IGSF11: variants seen among roughly 807,000 people sequenced by gnomAD.
IGSF11 encodes the protein CXADR like 1.
IGSF11 carries 22 observed loss-of-function variants against 41.0 expected under a neutral mutation model. The observed-to-expected ratio is 0.54, with a 90% confidence interval of 0.38 to 0.77. IGSF11 has a LOEUF of 0.77. Among genes scored for constraint, IGSF11 ranks in the 30% least tolerant of loss-of-function variants. IGSF11 has a pLI of 0.00. For missense variants in IGSF11, 444 were observed against 530.8 expected, an observed-to-expected ratio of 0.84 and a Z score of 1.61; for synonymous variants, 219 against 201.3, an observed-to-expected ratio of 1.09 and a Z score of -0.74.
chr3:118,977,484 C>A (rs1934245706), intron 1 of IGSF11, among the ~76,000 whole-genome samples: 1 of 152,180 alleles, frequency 6.6e-6, no homozygotes, highest in Non-Finnish European at 1.5e-5. Context: ...CTCACCTCCT[C>A]CACTAAGAAG....
chr3:119,128,390 G>C (rs1409493837), intron 1 of IGSF11, among the ~76,000 whole-genome samples: 3 of 151,598 alleles, frequency 2.0e-5, no homozygotes, highest in African/African-American at 4.8e-5. Flanking sequence ...AACAGAGAAA[G>C]AGAGAGAGAG....
At chr3:118,969,289 T>C (rs1283921310) in intron 1 of IGSF11, among the ~76,000 whole-genome samples, 2 of 151,586 alleles carry the variant, frequency 1.3e-5, no homozygotes. Context: ...CCAAGAAAAC[T>C]GGTAAAGAGG....
At chr3:118,960,077 C>G (rs572465032) in intron 1 of IGSF11, among the ~76,000 whole-genome samples, 1 of 151,214 alleles carries the variant, frequency 6.6e-6, no homozygotes, top group Admixed American at 6.6e-5. Context: ...ACAAATGTGT[C>G]GAACAAAAAG....
chr3:119,134,087 G>T (rs1336874091), intron 1 of IGSF11, among the ~76,000 whole-genome samples: 1 of 152,142 alleles, frequency 6.6e-6, no homozygotes, highest in African/African-American at 2.4e-5. Flanking sequence ...AGCTATTTAT[G>T]ACAAACCCAT....
intron 1 of IGSF11, among the ~76,000 whole-genome samples, chr3:118,992,029 C>A (rs935215876): frequency 9.9e-5 from 15 of 152,202 alleles, no homozygotes; most frequent in African/African-American, 3.6e-4. Context: ...AGTCCACAAA[C>A]AGAAGGCTTC....
chr3:118,914,322 T>G (rs9824063), intron 4 of IGSF11, among the ~76,000 whole-genome samples: 59,146 of 150,600 alleles, frequency 0.39, 15,040 homozygotes, highest in African/African-American at 0.72. Context: ...GACGGGTGAT[T>G]TCTGCATTTC....
intron 1 of IGSF11, among the ~76,000 whole-genome samples, chr3:118,935,260 A>C (rs1049566089): frequency 2.8e-5 from 4 of 143,120 alleles, no homozygotes; most frequent in Admixed American, 7.1e-5. Flanking sequence ...TATATATATA[A>C]ATATATACAC....
chr3:119,074,369 C>T (rs2076455994), intron 1 of IGSF11, among the ~76,000 whole-genome samples: 1 of 151,988 alleles, frequency 6.6e-6, no homozygotes, highest in Admixed American at 6.6e-5. Flanking sequence ...TCTCTCAACC[C>T]CATATGATTA....
chr3:119,143,387 T>C (rs898547230), intron 1 of IGSF11, among the ~76,000 whole-genome samples: 1 of 152,146 alleles, frequency 6.6e-6, no homozygotes, highest in African/African-American at 2.4e-5. Flanking sequence ...GAAGCTAGGA[T>C]GGTTTTAATT....
In IGSF11 at chr3:118,902,817, C is replaced by A. The variant is rs36052974; in HGVS notation, c.999G>T (p.Glu333Asp). The change falls in exon 7 of 7, where the codon GAG becomes GAT. Residue 333 changes from glutamate to aspartate, a missense_variant. Transcript: ENST00000393775. The part of the protein sequence containing the change: ...SNNPKVHRNT[E>D]SVSHFSDLGQ... ...CCAAGTCACTGAAGTGGCTGACTGACTCTGTGTTTCTATGAACTTTTGGAT... is the reference window on the plus strand; with the variant it reads ...CCAAGTCACTGAAGTGGCTGACTGAATCTGTGTTTCTATGAACTTTTGGAT... 0.17 allele frequency: 280,819 copies of A among 1,613,828 alleles called. 28,531 individuals carry two copies. Among genetic ancestry groups the A allele is most frequent in the African/African-American group, 0.36 (27,279 of 74,930 alleles).
chr3:118,916,557 C>A (rs1165818208), intron 4 of IGSF11, among the ~76,000 whole-genome samples: 1 of 151,316 alleles, frequency 6.6e-6, no homozygotes, highest in African/African-American at 2.4e-5. Flanking sequence ...GAGGAGCTAA[C>A]TATCCTAAAT....
intron 1 of IGSF11, among the ~76,000 whole-genome samples, chr3:119,046,663 G>C: frequency 6.6e-6 from 1 of 152,000 alleles, no homozygotes; most frequent in Middle Eastern, 3.4e-3. Flanking sequence ...GATACTCCTC[G>C]AGAAGAGCAA....
intron 6 of IGSF11, among the ~76,000 whole-genome samples, chr3:118,903,819 G>A (rs866233179): frequency 1.2e-4 from 19 of 152,124 alleles, no homozygotes; most frequent in African/African-American, 4.6e-4. Context: ...GGTTAGGCAA[G>A]GGGCTAAAGA....
intron 1 of IGSF11, among the ~76,000 whole-genome samples, chr3:119,091,105 G>T (rs1013358735): frequency 6.6e-6 from 1 of 152,138 alleles, no homozygotes; most frequent in Non-Finnish European, 1.5e-5. Flanking sequence ...ATGAAAAAAT[G>T]CTCAGCATCA....
intron 1 of IGSF11, among the ~76,000 whole-genome samples, chr3:119,052,829 G>C (rs748650268): frequency 2.6e-5 from 4 of 152,144 alleles, no homozygotes; most frequent in Non-Finnish European, 5.9e-5. Flanking sequence ...AGGGATGCAG[G>C]GTTGGTTTAA....
intron 1 of IGSF11, among the ~76,000 whole-genome samples, chr3:119,101,118 G>T (rs912148266): frequency 6.6e-6 from 1 of 152,202 alleles, no homozygotes; most frequent in African/African-American, 2.4e-5. Flanking sequence ...CCGTGCCACT[G>T]CCATTTGTCT....
At chr3:118,926,038 C>G (rs187596329) in intron 4 of IGSF11, 63 bp downstream of exon 4, 2 of 1,225,596 alleles carry the variant, frequency 1.6e-6, no homozygotes, top group Non-Finnish European at 2.2e-6. Context: ...AAGTTAATTA[C>G]TTTTTGAATA....
Position 118,902,647 on chromosome 3 carries a change from C to A in IGSF11, c.1169G>T (p.Gly390Val), listed in dbSNP as rs1322251718. The A allele has an allele frequency of 6.2e-7, 1 of 1,614,116 alleles. No homozygotes were observed. Among genetic ancestry groups the A allele is most frequent in the South Asian group, 1.1e-5 (1 of 91,086 alleles). Residue 390 changes from glycine (G) to valine (V), a missense_variant, in exon 7 of 7, where the codon GGC (glycine) becomes GTC (valine). By Grantham distance (109) the Gly-to-Val change is moderately radical. Around this residue, in one of 3 missense-constraint regions of IGSF11, gnomAD observed 223 missense variants for 226.2 expected, o/e 0.99. Transcript: ENST00000393775. The stretch of plus-strand genomic sequence containing the variant: ...AGGCCGAGGCTTCCTACTGACTGAG[C>A]CATTGCTCCTGGACATCACCTGTGG... ...SSPQVMSRSN[G>V]SVSRKPRPPH...
intron 1 of IGSF11, among the ~76,000 whole-genome samples, chr3:118,996,909 C>A (rs1440404668): frequency 2.0e-5 from 3 of 152,104 alleles, no homozygotes; most frequent in Non-Finnish European, 4.4e-5. Context: ...GAGAACATGT[C>A]TTGTTTTATT....
Sources: allele counts gnomAD v4.1 joint callset (sites outside exome capture counted in the v4.1 genomes callset), GRCh38; gene constraint gnomAD v4.1.1; regional missense constraint gnomAD v4.1.1; transcripts MANE v1.5; gene names NCBI Gene and HGNC (gene_info 2026-07-23, HGNC 2026-07-21).